Variants in DCC observed in about 807,000 individuals in gnomAD.
The protein encoded by DCC is DCC netrin 1 receptor, also known as netrin receptor DCC.
A neutral mutation model predicts 172.5 loss-of-function variants in DCC; 58 were observed. The observed-to-expected ratio is 0.34, with a 90% CI of 0.27 to 0.42. The LOEUF (loss-of-function observed/expected upper bound fraction) is 0.42, where lower values mean the gene tolerates loss of function less well. Among genes scored for constraint, DCC ranks in the 10% least tolerant of loss-of-function variants. The pLI is 1.00. For synonymous variants in DCC, 709 were observed against 644.5 expected (o/e 1.10, Z -1.52); for missense variants, 1,740 against 1,791.0 (o/e 0.97, Z 0.51).
At chr18:53,011,555 G>A (rs1401232957) in intron 5 of DCC, among the ~76,000 whole-genome samples, 1 of 151,612 alleles carries the variant, frequency 6.6e-6, no homozygotes, top group East Asian at 1.9e-4. Flanking sequence ...AATTTTTATT[G>A]ATAATAAAAT....
intron 2 of DCC, among the ~76,000 whole-genome samples, chr18:52,752,988 T>TAC (rs892181216): frequency 1.6e-3 from 228 of 145,882 alleles, no homozygotes; most frequent in African/African-American, 5.3e-3. Context: ...ATATCATATA[T>TAC]ACACACACAC....
intron 9 of DCC, among the ~76,000 whole-genome samples, chr18:53,193,030 TC>T (rs1397742755): frequency 6.6e-6 from 1 of 152,140 alleles, no homozygotes; most frequent in East Asian, 1.9e-4. Context: ...TCTTTTCATC[TC>T]CATGGCCAGC....
At chr18:52,699,125 C>G (rs193170089) in intron 1 of DCC, among the ~76,000 whole-genome samples, 15 of 152,236 alleles carry the variant, frequency 9.9e-5, no homozygotes, top group Admixed American at 8.5e-4. Context: ...AGAATTACAA[C>G]AAGGTATGAG....
rs530859668 is a variant in DCC, at chr18:52,510,432, C to G, written c.91+169554C>G. 4.8e-4 allele frequency among the ~76,000 whole-genome samples: 73 copies of G among 152,322 alleles called. No homozygotes were observed. In the South Asian group the frequency reaches 0.015, roughly 31 times the overall value. ...TTGCGATCTTGGATTCCCCATGACA[C>G]TGCTTGCCTTGCCTAACTTAACTGA... On this transcript the variant is annotated intron_variant, in intron 1 of 28. Coordinates refer to ENST00000442544, the MANE Select transcript of DCC (RefSeq NM_005215.4).
intron 4 of DCC, among the ~76,000 whole-genome samples, chr18:52,924,859 G>A (rs1172415072): frequency 2.0e-5 from 3 of 151,948 alleles, no homozygotes; most frequent in Non-Finnish European, 4.4e-5. Context: ...TTTGTACAAA[G>A]GTTACTAAAT....
chr18:52,880,206 A>C (rs985198010), intron 2 of DCC, among the ~76,000 whole-genome samples: 1 of 151,752 alleles, frequency 6.6e-6, no homozygotes, highest in Non-Finnish European at 1.5e-5. Flanking sequence ...TTTCAGCTTC[A>C]GCTCACTGCA....
intron 2 of DCC, chr18:52,756,949 AAATAT>A (rs1312508484): frequency 6.6e-6 from 1 of 152,204 alleles, no homozygotes; most frequent in Non-Finnish European, 1.5e-5. Flanking sequence ...TGATGATGCA[AAATAT>A]TTTTTTTCAG....
chr18:52,830,060 T>C, intron 2 of DCC, among the ~76,000 whole-genome samples: 1 of 151,740 alleles, frequency 6.6e-6, no homozygotes, highest in Non-Finnish European at 1.5e-5. Context: ...GTTCTAGAGG[T>C]GGGAGCCTGC....
intron 5 of DCC, among the ~76,000 whole-genome samples, chr18:53,030,891 C>T (rs1404892624): frequency 1.3e-5 from 2 of 152,168 alleles, no homozygotes; most frequent in Admixed American, 6.6e-5. Flanking sequence ...TTATCTATCA[C>T]CTTCTTGAGC....
chr18:53,498,631 G>A (rs905965218), intron 26 of DCC, among the ~76,000 whole-genome samples: 4 of 150,240 alleles, frequency 2.7e-5, no homozygotes, highest in South Asian at 2.1e-4. Flanking sequence ...CACAGTAACC[G>A]TGCAGAACCT....
chr18:52,838,317 C>T (rs570049076), intron 2 of DCC, among the ~76,000 whole-genome samples: 2 of 152,198 alleles, frequency 1.3e-5, no homozygotes, highest in Admixed American at 6.5e-5. Flanking sequence ...AAATATATGG[C>T]TCTATTTTCT....
At chr18:52,708,215 A>T (rs2036240643) in intron 1 of DCC, among the ~76,000 whole-genome samples, 1 of 152,008 alleles carries the variant, frequency 6.6e-6, no homozygotes, top group African/African-American at 2.4e-5. Flanking sequence ...GCCGAGATGG[A>T]TGGATCACGA....
intron 1 of DCC, among the ~76,000 whole-genome samples, chr18:52,364,884 C>A (rs954783592): frequency 6.6e-6 from 1 of 152,142 alleles, no homozygotes; most frequent in African/African-American, 2.4e-5. Flanking sequence ...CTTGGGTGAT[C>A]CTTTTCACCT....
chr18:52,882,324 A>G (rs1223887218), intron 2 of DCC, among the ~76,000 whole-genome samples: 1 of 151,938 alleles, frequency 6.6e-6, no homozygotes, highest in Non-Finnish European at 1.5e-5. Flanking sequence ...TTCATCTGGA[A>G]ACAATTTTGG....
At chr18:53,198,052 C>A (rs1051873212) in intron 9 of DCC, among the ~76,000 whole-genome samples, 3 of 152,028 alleles carry the variant, frequency 2.0e-5, no homozygotes, top group Non-Finnish European at 4.4e-5. Flanking sequence ...GAAACAGTAG[C>A]ATTTGATTAA....
At chr18:53,049,766 C>G (rs1253912169) in intron 5 of DCC, among the ~76,000 whole-genome samples, 2 of 151,906 alleles carry the variant, frequency 1.3e-5, no homozygotes, top group African/African-American at 4.8e-5. Flanking sequence ...AGCATTGAGT[C>G]TATAAATTGC....
rs147007993 is a variant in DCC at position 52,804,874 on chromosome 18, G to A, written c.412+52500G>A. 1.9e-3 allele frequency among the ~76,000 whole-genome samples: 295 copies of A among 152,186 alleles called. 10 individuals are homozygous for A. In the South Asian group the frequency reaches 0.036, roughly 19 times the overall value. ...TGGGATTACGGACATGACCTACTGC[G>A]CCTGGCCCTAAAATTTCGTTTTAAA... On this transcript the variant is annotated intron_variant, in intron 2 of 28. Coordinates refer to ENST00000442544, the MANE Select transcript of DCC (RefSeq NM_005215.4).
chr18:53,005,447 C>A (rs1473932970), intron 5 of DCC, among the ~76,000 whole-genome samples: 1 of 152,092 alleles, frequency 6.6e-6, no homozygotes, highest in African/African-American at 2.4e-5. Context: ...TATAAAGAAT[C>A]TTGTCGCTGA....
intron 2 of DCC, among the ~76,000 whole-genome samples, chr18:52,809,978 T>G (rs1264984953): frequency 1.3e-5 from 2 of 152,072 alleles, no homozygotes; most frequent in African/African-American, 4.8e-5. Context: ...AAGGTGGGTG[T>G]GGTCACCTTC....
Sources: gnomAD v4.1 joint callset for allele counts (sites outside exome capture counted in the v4.1 genomes callset) on GRCh38, gnomAD v4.1.1 for gene constraint, MANE v1.5 for transcripts, NCBI Gene and HGNC (gene_info 2026-07-23, HGNC 2026-07-21) for gene names.